The following FKTN variants were observed in gnomAD, a reference collection of about 807,000 sequenced individuals.
FKTN encodes the protein ribitol-5-phosphate transferase FKTN.
Under a neutral mutation model 58.6 loss-of-function variants are expected in FKTN, and 47 were observed. That is an observed-to-expected ratio of 0.80 (90% CI 0.63 to 1.02). FKTN has a LOEUF of 1.02. Among genes scored for constraint, FKTN ranks in the 50% least tolerant of loss-of-function variants. FKTN has a pLI of 0.00. For missense variants in FKTN, 516 were observed against 537.3 expected, an observed-to-expected ratio of 0.96 and a Z score of 0.39; for synonymous variants, 178 against 191.9, an observed-to-expected ratio of 0.93 and a Z score of 0.60.
chr9:105,586,486 TTG>T (rs1843926923), intron 3 of FKTN, among the ~76,000 whole-genome samples: 1 of 152,214 alleles, frequency 6.6e-6, no homozygotes, highest in Non-Finnish European at 1.5e-5. Context: ...AGTATGATAA[TTG>T]TGTGTGTTCA....
chr9:105,606,270 A>G (rs970235399), intron 6 of FKTN, among the ~76,000 whole-genome samples: 2 of 152,158 alleles, frequency 1.3e-5, no homozygotes, highest in African/African-American at 4.8e-5. Context: ...TTGTGCCTTT[A>G]TGTTATGCAC....
chr9:105,629,579 G>A (rs1362092627), intron 10 of FKTN, among the ~76,000 whole-genome samples: 1 of 152,220 alleles, frequency 6.6e-6, no homozygotes, highest in Non-Finnish European at 1.5e-5. Context: ...GGGAAGTTAT[G>A]TGGTTATGTA....
Position 105,641,016 on chromosome 9 carries a change from A to T in FKTN, c.*5752A>T, listed in dbSNP as rs1834384431. 2 of 152,230 alleles carry T rather than the reference A, an allele frequency of 1.3e-5. No homozygotes were observed. Among genetic ancestry groups the T allele is most frequent in the African/African-American group, 4.8e-5 (2 of 41,454 alleles). 9.4% of individuals were successfully genotyped at this position (152,230 alleles called of 1,614,324 possible). A position where few individuals can be genotyped will look rare whatever the true frequency, so the allele number is the denominator to read the frequency against. On this transcript the variant is annotated 3_prime_UTR_variant, in exon 11 of 11. Transcript: ENST00000357998. Reference sequence around the variant, plus strand: ...TGTGGTTTTATCTTCAGGTACAGATAGTTTGTGGTACTACTTGAAAATACC... The same window carrying T: ...TGTGGTTTTATCTTCAGGTACAGATTGTTTGTGGTACTACTTGAAAATACC...
At position 105,579,756 on chromosome 9, in the gene FKTN, G is replaced by C. The variant is rs10978163; in HGVS notation, c.105+4619G>C. On this transcript the variant is annotated intron_variant, in intron 3 of 10. Transcript: ENST00000357998. The stretch of plus-strand genomic sequence containing the variant: ...CTGTCTCGTTGATCTGTCTAATGTT[G>C]ACAGTGGGGTGTTAAAGTCTCCCAT... 3.0e-4 allele frequency among the ~76,000 whole-genome samples: 44 copies of C among 144,964 alleles called. No individual in the cohort carries two copies. In the East Asian group the frequency reaches 8.3e-3, roughly 27 times the overall value.
chr9:105,609,608 G>C (rs966761139), intron 7 of FKTN, among the ~76,000 whole-genome samples: 1 of 152,040 alleles, frequency 6.6e-6, no homozygotes, highest in Non-Finnish European at 1.5e-5. Flanking sequence ...CAGTTTCTCA[G>C]TTCTTTTATT....
chr9:105,631,252 A>G (rs1333000566), intron 10 of FKTN, among the ~76,000 whole-genome samples: 1 of 152,220 alleles, frequency 6.6e-6, no homozygotes, highest in Non-Finnish European at 1.5e-5. Flanking sequence ...AAAATCAGAA[A>G]AACGTTAGGA....
rs540451152 is a variant in FKTN, at chr9:105,636,507, C to A, written c.*1243C>A. 9.7e-7 allele frequency: 1 copy of A among 1,026,252 alleles called. No individual in the cohort carries two copies. The highest frequency in any genetic ancestry group is 5.2e-5 in the Admixed American group (1 of 19,230). The allele number at this position is 1,026,252 out of a possible 1,614,324, so 63.6% of individuals were successfully genotyped here. A position where few individuals can be genotyped will look rare whatever the true frequency, so the allele number is the denominator to read the frequency against. On this transcript the variant is annotated 3_prime_UTR_variant, in exon 11 of 11. Transcript: ENST00000357998. ...CTCAGACTTCTACTTTACCAAGTAC[C>A]ACACACTCTGGAATGCTTTAGTTTC...
At chr9:105,582,456 A>G (rs1587943747) in intron 3 of FKTN, among the ~76,000 whole-genome samples, 1 of 152,198 alleles carries the variant, frequency 6.6e-6, no homozygotes, top group East Asian at 1.9e-4. Context: ...TCAGGCTCCC[A>G]AAGTGCTGGG....
chr9:105,566,428 G>T (rs1839631255), intron 1 of FKTN, among the ~76,000 whole-genome samples: 1 of 152,016 alleles, frequency 6.6e-6, no homozygotes, highest in East Asian at 1.9e-4. Flanking sequence ...AGAAAAGAGA[G>T]AAGAATGAAA....
At chr9:105,589,264 G>A (rs927220227) in intron 3 of FKTN, among the ~76,000 whole-genome samples, 6 of 152,144 alleles carry the variant, frequency 3.9e-5, no homozygotes, top group Non-Finnish European at 7.4e-5. Context: ...TTTGGAGGCC[G>A]AGGTGGGTGG....
chr9:105,567,947 T>G (rs1054598122), intron 1 of FKTN, among the ~76,000 whole-genome samples: 1 of 152,074 alleles, frequency 6.6e-6, no homozygotes, highest in Admixed American at 6.6e-5. Flanking sequence ...AACAGAGATA[T>G]AGAACAATGG....
intron 3 of FKTN, among the ~76,000 whole-genome samples, chr9:105,595,920 T>C (rs1826715344): frequency 6.6e-6 from 1 of 152,224 alleles, no homozygotes; most frequent in Non-Finnish European, 1.5e-5. Flanking sequence ...CTTTTGTCTC[T>C]AGAACATCAG....
chr9:105,564,963 T>C (rs1400007414), intron 1 of FKTN, among the ~76,000 whole-genome samples: 1 of 152,178 alleles, frequency 6.6e-6, no homozygotes, highest in Non-Finnish European at 1.5e-5. Context: ...GCAGGAACTC[T>C]ACAAGCCAGA....
At chr9:105,599,586 C>A (rs540129357) in intron 4 of FKTN, among the ~76,000 whole-genome samples, 5 of 151,134 alleles carry the variant, frequency 3.3e-5, no homozygotes, top group Admixed American at 6.6e-5. Context: ...TCACTGCAAC[C>A]TCCACCTCCC....
intron 10 of FKTN, chr9:105,633,457 C>T (rs920869611): frequency 6.6e-6 from 1 of 152,182 alleles, no homozygotes; most frequent in African/African-American, 2.4e-5. Flanking sequence ...ATTGTGTCAA[C>T]TTGATAGGAT....
chr9:105,588,224 C>T (rs1427797572), intron 3 of FKTN, among the ~76,000 whole-genome samples: 1 of 152,172 alleles, frequency 6.6e-6, no homozygotes, highest in Non-Finnish European at 1.5e-5. Context: ...TTTATTTGAC[C>T]CAGTTATCAC....
Position 105,635,691 on chromosome 9 carries a change from G to A in FKTN, c.*427G>A. On this transcript the variant is annotated 3_prime_UTR_variant, in exon 11 of 11. Transcript: ENST00000357998. ...AAAGAATAACCCACTCCTCTTCTGG[G>A]CATTTAAGCTGGTATGTTAGTGCTA... 2.8e-6 allele frequency: 3 copies of A among 1,054,468 alleles called. No individual in the cohort carries two copies. The highest frequency in any genetic ancestry group is 3.4e-6 in the Non-Finnish European group (3 of 872,486). The allele number at this position is 1,054,468 out of a possible 1,614,324, so 65.3% of individuals were successfully genotyped here.
chr9:105,561,336 G>A (rs1010459985), intron 1 of FKTN, among the ~76,000 whole-genome samples: 11 of 152,086 alleles, frequency 7.2e-5, no homozygotes, highest in Admixed American at 7.2e-4. Context: ...TTACATGTGG[G>A]CTCTAGTAAA....
In FKTN at chr9:105,637,212, C is replaced by T. The variant is rs979744480; in HGVS notation, c.*1948C>T. The T allele has an allele frequency of 2.0e-6, 2 of 983,246 alleles. No homozygotes were observed. The highest frequency in any genetic ancestry group is 2.4e-6 in the Non-Finnish European group (2 of 827,978). 60.9% of individuals were successfully genotyped at this position (983,246 alleles called of 1,614,324 possible). On this transcript the variant is annotated 3_prime_UTR_variant, in exon 11 of 11. Transcript: ENST00000357998. ...CTCAGTATTTAGAAATGCATACACTCCACATTTCTCCCCATTTCCAATTGG... is the reference window on the plus strand; with the variant it reads ...CTCAGTATTTAGAAATGCATACACTTCACATTTCTCCCCATTTCCAATTGG...
Sources: allele counts gnomAD v4.1 joint callset (sites outside exome capture counted in the v4.1 genomes callset), GRCh38; gene constraint gnomAD v4.1.1; transcripts MANE v1.5; gene names NCBI Gene and HGNC (gene_info 2026-07-23, HGNC 2026-07-21).